FMN1: variants seen among roughly 807,000 people sequenced by gnomAD.
FMN1 encodes formin-1.
A neutral mutation model predicts 132.4 loss-of-function variants in FMN1; 110 were observed. The observed-to-expected ratio is 0.83, with a 90% CI of 0.71 to 0.97. The LOEUF is 0.97. Among genes scored for constraint, FMN1 ranks in the 50% least tolerant of loss-of-function variants. FMN1 has a pLI of 0.00. For synonymous variants in FMN1, 722 were observed against 651.7 expected (o/e 1.11, Z -1.64); for missense variants, 1,792 against 1,705.3 (o/e 1.05, Z -0.90).
rs1475659909 is a variant in FMN1 at position 33,007,643 on chromosome 15, G to C, written c.2223+371C>G. On this transcript the variant is annotated intron_variant, in intron 7 of 20. Coordinates refer to ENST00000616417, the MANE Select transcript of FMN1 (RefSeq NM_001277313.2). ...GCAGGGATGTGCTAAGAAACATACA[G>C]ACATGAACACCCGAACAAGAGGAAG... 2.0e-5 allele frequency among the ~76,000 whole-genome samples: 3 copies of C among 152,156 alleles called. No individual in the cohort carries two copies. In the East Asian group the frequency reaches 5.8e-4, roughly 29 times the overall value.
chr15:32,865,850 A>AT (rs59442166), intron 16 of FMN1, among the ~76,000 whole-genome samples: 62,950 of 136,776 alleles, frequency 0.46, 14,533 homozygotes, highest in Non-Finnish European at 0.55. Flanking sequence ...AAAAAAAAAA[A>AT]AAATAAAATA....
At chr15:32,872,033 A>T (rs1490928481) in intron 16 of FMN1, among the ~76,000 whole-genome samples, 1 of 151,776 alleles carries the variant, frequency 6.6e-6, no homozygotes, top group East Asian at 1.9e-4. Flanking sequence ...TGTGCATGAA[A>T]GTAGCTCTTT....
chr15:33,091,270 G>GAAACACACATGCATGCATATTTATGC (rs1293163016), intron 4 of FMN1, among the ~76,000 whole-genome samples: 1 of 152,138 alleles, frequency 6.6e-6, no homozygotes, highest in African/African-American at 2.4e-5. Flanking sequence ...TGGGGTCCTT[G>GAAACACACATGCATGCATATTTATGC]AAACACACAT....
At chr15:33,046,748 G>GTT (rs2036703373) in intron 6 of FMN1, among the ~76,000 whole-genome samples, 1 of 151,784 alleles carries the variant, frequency 6.6e-6, no homozygotes, top group Non-Finnish European at 1.5e-5. Context: ...CAGACTTCTG[G>GTT]TCTCTCTCTC....
intron 15 of FMN1, among the ~76,000 whole-genome samples, chr15:32,891,180 C>T (rs1164766108): frequency 1.3e-5 from 2 of 152,172 alleles, no homozygotes; most frequent in Non-Finnish European, 1.5e-5. Flanking sequence ...TAGTGTGATG[C>T]CTCCAAATTT....
intron 5 of FMN1, among the ~76,000 whole-genome samples, chr15:33,070,284 C>A (rs998104750): frequency 5.3e-5 from 8 of 151,756 alleles, no homozygotes; most frequent in African/African-American, 7.3e-5. Flanking sequence ...GGATTACAGG[C>A]ATGAGCCACC....
intron 6 of FMN1, among the ~76,000 whole-genome samples, chr15:33,036,340 A>T (rs57847363): frequency 0.036 from 5,517 of 152,320 alleles, 350 homozygotes; most frequent in African/African-American, 0.13. Flanking sequence ...ATGAGTGCCT[A>T]CTATATGACA....
At chr15:32,838,659 A>AAT (rs1174549370) in intron 17 of FMN1, among the ~76,000 whole-genome samples, 5 of 152,218 alleles carry the variant, frequency 3.3e-5, no homozygotes, top group African/African-American at 1.2e-4. Context: ...GCATTTGGCT[A>AAT]ATTAAGGAAA....
intron 17 of FMN1, among the ~76,000 whole-genome samples, chr15:32,813,941 C>T (rs1311430665): frequency 6.6e-6 from 1 of 152,112 alleles, no homozygotes; most frequent in East Asian, 1.9e-4. Flanking sequence ...TCCCAAACAC[C>T]GAGGTGGTAT....
intron 15 of FMN1, among the ~76,000 whole-genome samples, chr15:32,898,112 T>C (rs71462827): frequency 0.017 from 2,620 of 152,270 alleles, 22 homozygotes; most frequent in Non-Finnish European, 0.026. Flanking sequence ...TGCAGGCCTA[T>C]TGAAAGGCCC....
rs57504432 is a variant in FMN1, at chr15:33,075,020, CAAAAAAAAA to C, written c.2044-9955_2044-9947del. The stretch of plus-strand genomic sequence containing the variant: ...TGGGCAACTGAGCAAGATTCCATCT[CAAAAAAAAA>C]AAAAAAAAAAAAAAAAAAGAACAGA... On this transcript the variant is annotated intron_variant, in intron 5 of 20. Coordinates refer to ENST00000616417, the MANE Select transcript of FMN1 (RefSeq NM_001277313.2). Among the ~76,000 whole-genome samples the C allele has an allele frequency of 8.1e-5, 5 of 61,690 alleles. No homozygotes were observed. The East Asian group carries it at 1.5e-3, about 19-fold the overall frequency. The allele number at this position is 61,690 out of a possible 152,430, so 40.5% of individuals were successfully genotyped here.
chr15:32,919,870 G>A (rs983822966), intron 10 of FMN1, among the ~76,000 whole-genome samples: 1 of 152,150 alleles, frequency 6.6e-6, no homozygotes, highest in Non-Finnish European at 1.5e-5. Flanking sequence ...AGGAAACAAG[G>A]TCCAGCGGGC....
At chr15:32,876,346 G>A (rs2059637249) in intron 16 of FMN1, among the ~76,000 whole-genome samples, 1 of 152,206 alleles carries the variant, frequency 6.6e-6, no homozygotes, top group Admixed American at 6.5e-5. Flanking sequence ...GGTATAGAAG[G>A]CCAGGGGAAA....
intron 9 of FMN1, among the ~76,000 whole-genome samples, chr15:32,948,655 A>C (rs115396822): frequency 7.0e-4 from 106 of 152,086 alleles, no homozygotes; most frequent in African/African-American, 2.5e-3. Flanking sequence ...TATTGGCAAA[A>C]ATTTGTTCAT....
chr15:33,050,249 T>A (rs2036907086), intron 6 of FMN1, among the ~76,000 whole-genome samples: 2 of 152,210 alleles, frequency 1.3e-5, no homozygotes, highest in Non-Finnish European at 2.9e-5. Context: ...AGCATCTGTA[T>A]ACATATTGTT....
At chr15:33,107,186 G>A (rs559174712) in intron 4 of FMN1, among the ~76,000 whole-genome samples, 2 of 152,016 alleles carry the variant, frequency 1.3e-5, no homozygotes, top group South Asian at 4.1e-4. Context: ...AGCAAGACCT[G>A]TTTGCTCTAC....
chr15:32,807,963 A>G (rs908086985), intron 17 of FMN1, among the ~76,000 whole-genome samples: 1 of 152,198 alleles, frequency 6.6e-6, no homozygotes, highest in Non-Finnish European at 1.5e-5. Context: ...GCCATTACAC[A>G]TTTTAAGTCT....
In FMN1 at chr15:32,969,021, T is replaced by C. The variant is rs373847711; in HGVS notation, c.2680A>G (p.Met894Val). ...GGTGGCCCAGCACTCACAGGTGGCA[T>C]TGGAGGTGCGGGAGACAAAGATCCA... ...GLGSLSPAPP[M>V]PPVSAGPPLP... The change falls in exon 8 of 21, where the codon ATG becomes GTG. Residue 894 changes from methionine to valine, a missense_variant. Physicochemically the swap from Met to Val is conservative, Grantham distance 21. Around this residue, in one of 3 missense-constraint regions of FMN1, gnomAD observed 1,150 missense variants for 1,043.1 expected, o/e 1.10. Coordinates refer to ENST00000616417, the MANE Select transcript of FMN1 (RefSeq NM_001277313.2). The C allele has an allele frequency of 2.3e-6, 3 of 1,323,630 alleles. No homozygotes were observed. The highest frequency in any genetic ancestry group is 1.5e-5 in the African/African-American group (1 of 68,420). 82.0% of individuals were successfully genotyped at this position (1,323,630 alleles called of 1,614,324 possible).
chr15:33,093,622 C>G (rs999123152), intron 4 of FMN1, among the ~76,000 whole-genome samples: 1 of 152,174 alleles, frequency 6.6e-6, no homozygotes, highest in African/African-American at 2.4e-5. Context: ...TAGGTAGATA[C>G]AATTCTGAGA....
Sources: allele counts gnomAD v4.1 joint callset (sites outside exome capture counted in the v4.1 genomes callset), GRCh38; gene constraint gnomAD v4.1.1; regional missense constraint gnomAD v4.1.1; transcripts MANE v1.5; gene names NCBI Gene and HGNC (gene_info 2026-07-23, HGNC 2026-07-21).